ENPP2: variants seen among roughly 807,000 people sequenced by gnomAD.
ENPP2 encodes the protein ectonucleotide pyrophosphatase/phosphodiesterase 2, also known as autotaxin.
ENPP2 carries 51 observed loss-of-function variants against 120.2 expected under a neutral mutation model. The ratio of observed to expected loss-of-function variants is 0.42; its 90% CI spans 0.34 to 0.54. The LOEUF is 0.54. Ranked by LOEUF, ENPP2 falls within the 20% of genes least tolerant of loss-of-function variation. The pLI, the probability that ENPP2 is intolerant of heterozygous loss-of-function variation, is 0.04. For synonymous variants in ENPP2, 365 were observed against 366.4 expected (o/e 1.00, Z 0.04); for missense variants, 920 against 1,066.5 (o/e 0.86, Z 1.91).
chr8:119,584,121 G>C lies in ENPP2; in HGVS notation c.1368-72C>G, dbSNP rs965578411. 2.6e-5 allele frequency: 27 copies of C among 1,029,018 alleles called. No individual in the cohort carries two copies. In the Admixed American group the frequency reaches 4.8e-4, roughly 18 times the overall value. 63.7% of individuals were successfully genotyped at this position (1,029,018 alleles called of 1,614,324 possible). A position where few individuals can be genotyped will look rare whatever the true frequency, so the allele number is the denominator to read the frequency against. On this transcript the variant is annotated intron_variant, in intron 15 of 24. Coordinates refer to ENST00000075322, the MANE Select transcript of ENPP2 (RefSeq NM_001040092.3). The stretch of plus-strand genomic sequence containing the variant: ...ACTTTGATAAAAAGGTAATTTCAGG[G>C]TACAAAGAATATCTAAGAAGGGGCT...
intron 13 of ENPP2, among the ~76,000 whole-genome samples, chr8:119,587,508 C>A (rs967221694): frequency 3.3e-5 from 5 of 152,196 alleles, no homozygotes; most frequent in Non-Finnish European, 5.9e-5. Context: ...TCTTCACCCA[C>A]TTTAAGTTGA....
At chr8:119,627,593 G>A (rs1214723487) in intron 2 of ENPP2, among the ~76,000 whole-genome samples, 1 of 152,068 alleles carries the variant, frequency 6.6e-6, no homozygotes, top group Non-Finnish European at 1.5e-5. Context: ...GGGGCAAGGT[G>A]CCTCATACCT....
chr8:119,630,043 C>T (rs775185694), intron 2 of ENPP2, among the ~76,000 whole-genome samples: 9 of 151,984 alleles, frequency 5.9e-5, no homozygotes, highest in African/African-American at 7.3e-5. Flanking sequence ...GGTGTTCCTG[C>T]ATGCATTTGA....
chr8:119,570,722 A>G lies in ENPP2; in HGVS notation c.1900T>C (p.Tyr634His). The change falls in exon 20 of 25, where the codon TAT (tyrosine) becomes CAT (histidine). Residue 634 changes from tyrosine to histidine, a missense_variant. Tyr to His is a moderately conservative substitution (Grantham distance 83, BLOSUM62 2). Transcript: ENST00000075322. The part of the protein sequence containing the change: ...EIFLMPLWTS[Y>H]TVSKQAEVSS... Reference sequence around the variant, plus strand: ...TCAATGACCTGTTTGGAAACAGTATATGATGTCCAGAGTGGCATTAGGAAT... The same window carrying G: ...TCAATGACCTGTTTGGAAACAGTATGTGATGTCCAGAGTGGCATTAGGAAT... 6.4e-7 allele frequency: 1 copy of G among 1,573,858 alleles called. No individual in the cohort carries two copies. The highest frequency in any genetic ancestry group is 8.6e-7 in the Non-Finnish European group (1 of 1,158,692).
intron 2 of ENPP2, among the ~76,000 whole-genome samples, chr8:119,635,760 T>C (rs1439382012): frequency 6.6e-6 from 1 of 152,236 alleles, no homozygotes; most frequent in Non-Finnish European, 1.5e-5. Context: ...TATGACCTGG[T>C]ATAAAAAATC....
intron 22 of ENPP2, among the ~76,000 whole-genome samples, chr8:119,566,266 C>A (rs576955301): frequency 6.6e-6 from 1 of 152,268 alleles, no homozygotes; most frequent in African/African-American, 2.4e-5. Context: ...CAGAAGGAGA[C>A]AGGATAGGCA....
intron 4 of ENPP2, among the ~76,000 whole-genome samples, chr8:119,619,823 A>T (rs1815761176): frequency 6.6e-6 from 1 of 152,206 alleles, no homozygotes; most frequent in Admixed American, 6.5e-5. Flanking sequence ...GAAAGAAAAA[A>T]ATGCTAAATT....
chr8:119,614,027 GT>G (rs1237653440), intron 8 of ENPP2, among the ~76,000 whole-genome samples: 2 of 118,272 alleles, frequency 1.7e-5, no homozygotes, highest in African/African-American at 6.2e-5. Context: ...AATAAAATGT[GT>G]TTTTAAATTG....
At chr8:119,656,990 C>A (rs566344715) in intron 1 of ENPP2, among the ~76,000 whole-genome samples, 11 of 152,240 alleles carry the variant, frequency 7.2e-5, no homozygotes, top group African/African-American at 2.6e-4. Flanking sequence ...TGCAATGGCA[C>A]TATCTTGGCT....
chr8:119,560,924 A>T (rs921883931), intron 24 of ENPP2, among the ~76,000 whole-genome samples: 1 of 152,162 alleles, frequency 6.6e-6, no homozygotes, highest in Non-Finnish European at 1.5e-5. Context: ...CTGTGGTTAT[A>T]TGATTAGAAA....
Position 119,600,730 on chromosome 8 carries a change from T to A in ENPP2, c.920A>T (p.Tyr307Phe), listed in dbSNP as rs1814238095. The A allele has an allele frequency of 6.2e-7, 1 of 1,611,346 alleles. No individual in the cohort carries two copies. Among genetic ancestry groups the A allele is most frequent in the African/African-American group, 1.3e-5 (1 of 74,816 alleles). The stretch of plus-strand genomic sequence containing the variant: ...TCCAGAGAAATCAGGTTGCTCAGAA[T>A]AGAAGGCATAGACCGAAGGCCTATA... ...DHERPSVYAF[Y>F]SEQPDFSGHK... The change falls in exon 11 of 25, where the codon TAT (tyrosine) becomes TTT (phenylalanine). Residue 307 changes from tyrosine (Y) to phenylalanine (F), a missense_variant. By Grantham distance (22) the Tyr-to-Phe change is conservative (BLOSUM62 3). Coordinates refer to ENST00000075322, the MANE Select transcript of ENPP2 (RefSeq NM_001040092.3).
At chr8:119,644,621 T>TAC (rs1385686458) in intron 1 of ENPP2, among the ~76,000 whole-genome samples, 8 of 104,510 alleles carry the variant, frequency 7.7e-5, no homozygotes, top group Admixed American at 1.0e-4. Context: ...TATATATATA[T>TAC]ATATACACAC....
At chr8:119,651,886 T>C in intron 1 of ENPP2, among the ~76,000 whole-genome samples, 1 of 152,174 alleles carries the variant, frequency 6.6e-6, no homozygotes, top group Non-Finnish European at 1.5e-5. Flanking sequence ...TCAATACAGA[T>C]TTAGTAAGCA....
chr8:119,583,423 T>G (rs1812886876), intron 17 of ENPP2, among the ~76,000 whole-genome samples: 2 of 152,210 alleles, frequency 1.3e-5, no homozygotes, highest in African/African-American at 4.8e-5. Flanking sequence ...GAACTCTTGC[T>G]TCATCAGGTC....
At chr8:119,642,009 C>T (rs1817298517), upstream of ENPP2, among the ~76,000 whole-genome samples, 1 of 152,132 alleles carries the variant, frequency 6.6e-6, no homozygotes, top group South Asian at 2.1e-4. Flanking sequence ...TTAAGGTCCT[C>T]CTGATTTCAG....
intron 19 of ENPP2, chr8:119,572,565 T>C (rs1815092721): frequency 3.6e-6 from 1 of 278,114 alleles, no homozygotes; most frequent in East Asian, 6.5e-5. Flanking sequence ...CTCTTCACAA[T>C]TGTTGTTAGC....
intron 19 of ENPP2, chr8:119,573,155 CACA>C (rs1376317470): frequency 6.6e-6 from 1 of 152,186 alleles, no homozygotes; most frequent in Non-Finnish European, 1.5e-5. Context: ...TGCCTGGAAT[CACA>C]ACACTTTGGG....
At chr8:119,573,402 G>A (rs149871197) in intron 19 of ENPP2, among the ~76,000 whole-genome samples, 2,573 of 90,472 alleles carry the variant, frequency 0.028, 87 homozygotes, top group African/African-American at 0.12. Context: ...GCGAGGCTCC[G>A]TCTCTTAAAA....
intron 2 of ENPP2, among the ~76,000 whole-genome samples, chr8:119,629,797 A>C (rs1816532573): frequency 6.6e-6 from 1 of 152,198 alleles, no homozygotes; most frequent in South Asian, 2.1e-4. Context: ...TAAAACAAAA[A>C]AAAAATTACA....
Sources: allele counts gnomAD v4.1 joint callset (sites outside exome capture counted in the v4.1 genomes callset), GRCh38; gene constraint gnomAD v4.1.1; transcripts MANE v1.5; gene names NCBI Gene and HGNC (gene_info 2026-07-23, HGNC 2026-07-21).